Variants in STK33 observed in about 807,000 individuals in gnomAD.
The protein encoded by STK33 is serine/threonine-protein kinase 33.
STK33 carries 52 observed loss-of-function variants against 58.0 expected under a neutral mutation model. The ratio of observed to expected loss-of-function variants is 0.90; its 90% CI spans 0.72 to 1.13. The LOEUF is 1.13. STK33 is among the 50% of genes most tolerant of loss of function. The pLI is 0.00. For synonymous variants in STK33, 215 were observed against 200.1 expected, an observed-to-expected ratio of 1.07 and a Z score of -0.63; for missense variants, 630 against 604.2, an observed-to-expected ratio of 1.04 and a Z score of -0.45.
intron 1 of STK33, among the ~76,000 whole-genome samples, chr11:8,572,484 G>T (rs1385466490): frequency 1.3e-5 from 2 of 152,110 alleles, no homozygotes; most frequent in Non-Finnish European, 2.9e-5. Context: ...CCCCAGAAAT[G>T]ATACAACTAG....
At chr11:8,522,690 C>G (rs1285469928) in intron 1 of STK33, among the ~76,000 whole-genome samples, 1 of 152,146 alleles carries the variant, frequency 6.6e-6, no homozygotes, top group Admixed American at 6.6e-5. Context: ...AAAATCTGCA[C>G]CACAATGAAA....
At chr11:8,385,142 A>C in the STK33 span, among the ~76,000 whole-genome samples, 5 of 152,224 alleles carry the variant, frequency 3.3e-5, 1 homozygote. Flanking sequence ...TTTGATTTCC[A>C]AAACATATTT....
At chr11:8,592,531 A>G (rs1488812563) in intron 1 of STK33, among the ~76,000 whole-genome samples, 1 of 152,236 alleles carries the variant, frequency 6.6e-6, no homozygotes, top group Non-Finnish European at 1.5e-5. Flanking sequence ...TCTGAAAAAC[A>G]GTATGGCAAT....
At chr11:8,479,389 T>C (rs1383116167) in intron 2 of STK33, among the ~76,000 whole-genome samples, 1 of 147,502 alleles carries the variant, frequency 6.8e-6, no homozygotes, top group Non-Finnish European at 1.5e-5. Flanking sequence ...GCCAAGATCA[T>C]GCCACTGCAC....
At chr11:8,562,399 G>A (rs1038828450) in intron 1 of STK33, among the ~76,000 whole-genome samples, 1 of 151,874 alleles carries the variant, frequency 6.6e-6, no homozygotes, top group African/African-American at 2.4e-5. Context: ...GGCTTCCTTG[G>A]GGATTTTCCA....
At chr11:8,521,016 AATTTATTAT>A (rs1226053404) in intron 1 of STK33, among the ~76,000 whole-genome samples, 5 of 149,962 alleles carry the variant, frequency 3.3e-5, no homozygotes, top group Admixed American at 6.7e-5. Flanking sequence ...GGTAATTTAT[AATTTATTAT>A]ATTTATTTAT....
At chr11:8,398,346 A>T (rs966635390) in intron 15 of STK33, among the ~76,000 whole-genome samples, 1 of 152,228 alleles carries the variant, frequency 6.6e-6, no homozygotes, top group Non-Finnish European at 1.5e-5. Context: ...CCACAATTTC[A>T]TATCCAGCCA....
intron 1 of STK33, among the ~76,000 whole-genome samples, chr11:8,562,314 G>A (rs924156851): frequency 3.9e-5 from 6 of 152,016 alleles, no homozygotes; most frequent in Non-Finnish European, 8.8e-5. Context: ...GAAATCAAAA[G>A]ATACTGTCCT....
intron 1 of STK33, among the ~76,000 whole-genome samples, chr11:8,523,428 G>A (rs1172376417): frequency 6.6e-6 from 1 of 151,654 alleles, no homozygotes; most frequent in African/African-American, 2.4e-5. Flanking sequence ...GAGGTGAGGA[G>A]CGTCTCTGCC....
At chr11:8,389,303 G>C (rs143519679), downstream of STK33, among the ~76,000 whole-genome samples, 5 of 152,236 alleles carry the variant, frequency 3.3e-5, no homozygotes, top group Admixed American at 6.5e-5. Context: ...AGGCACTCGG[G>C]AGTCAGCGTC....
the STK33 span, among the ~76,000 whole-genome samples, chr11:8,361,751 G>A: frequency 6.6e-6 from 1 of 152,248 alleles, no homozygotes; most frequent in South Asian, 2.1e-4. The surrounding 1 kb of genome is among the most constrained non-coding windows in gnomAD (Gnocchi z 4.8). Flanking sequence ...GCCTCTGCAA[G>A]GGTCAGGACA....
intron 1 of STK33, among the ~76,000 whole-genome samples, chr11:8,528,386 A>C (rs1954234783): frequency 6.6e-6 from 1 of 152,204 alleles, no homozygotes; most frequent in Non-Finnish European, 1.5e-5. Context: ...TATTTTAATG[A>C]ACCAATGTAA....
intron 1 of STK33, among the ~76,000 whole-genome samples, chr11:8,494,472 A>G (rs1362545516): frequency 6.6e-6 from 1 of 152,250 alleles, no homozygotes; most frequent in Non-Finnish European, 1.5e-5. Flanking sequence ...AGAACATTTC[A>G]TGCTCATGGA....
the STK33 span, among the ~76,000 whole-genome samples, chr11:8,385,271 G>A: frequency 8.5e-5 from 13 of 152,136 alleles, no homozygotes; most frequent in African/African-American, 2.7e-4. Context: ...GAAGACAAAC[G>A]GATCCTTTAA....
At chr11:8,427,230 T>G (rs1337760092) in intron 14 of STK33, among the ~76,000 whole-genome samples, 1 of 152,212 alleles carries the variant, frequency 6.6e-6, no homozygotes, top group African/African-American at 2.4e-5. Flanking sequence ...AATAACAATT[T>G]GAATAGATAT....
chr11:8,349,116 C>T, the STK33 span, among the ~76,000 whole-genome samples: 4 of 152,256 alleles, frequency 2.6e-5, no homozygotes, highest in African/African-American at 7.2e-5. Context: ...GCTGATCCCA[C>T]GGGTCATTTC....
intron 1 of STK33, among the ~76,000 whole-genome samples, chr11:8,546,206 A>G (rs1955898878): frequency 6.6e-6 from 1 of 152,214 alleles, no homozygotes; most frequent in South Asian, 2.1e-4. Flanking sequence ...TCATTATTGC[A>G]TACTACTGTA....
At chr11:8,495,790 C>A (rs555726645) in intron 1 of STK33, among the ~76,000 whole-genome samples, 1 of 152,250 alleles carries the variant, frequency 6.6e-6, no homozygotes, top group African/African-American at 2.4e-5. Context: ...GAGTTGATGT[C>A]CTTTGCAGGC....
At chr11:8,434,995 A>G (rs1050894678) in intron 14 of STK33, among the ~76,000 whole-genome samples, 1 of 152,204 alleles carries the variant, frequency 6.6e-6, no homozygotes, top group Admixed American at 6.5e-5. Flanking sequence ...GAAGATCAGT[A>G]AGACACAAGG....
Sources: gnomAD v4.1 joint callset for allele counts (sites outside exome capture counted in the v4.1 genomes callset) on GRCh38, gnomAD v4.1.1 for gene constraint, Gnocchi (gnomAD v3.1) non-coding constraint, MANE v1.5 for transcripts, NCBI Gene and HGNC (gene_info 2026-07-23, HGNC 2026-07-21) for gene names.